Variants in SOX6 observed in about 807,000 individuals in gnomAD.
SOX6 encodes SRY-box transcription factor 6.
Under a neutral mutation model 97.8 loss-of-function variants are expected in SOX6, and 11 were observed. That is an observed-to-expected ratio of 0.11 (90% CI 0.07 to 0.19). SOX6 has a LOEUF of 0.19. Among genes scored for constraint, SOX6 ranks in the 10% least tolerant of loss-of-function variants. SOX6 has a pLI of 1.00. For missense variants in SOX6, 810 were observed against 1,039.5 expected, an observed-to-expected ratio of 0.78 and a Z score of 3.04; for synonymous variants, 360 against 371.4, an observed-to-expected ratio of 0.97 and a Z score of 0.35.
chr11:16,109,173 T>C (rs1849167486), intron 7 of SOX6, among the ~76,000 whole-genome samples: 1 of 152,048 alleles, frequency 6.6e-6, no homozygotes, highest in African/African-American at 2.4e-5. Context: ...CTCACATACA[T>C]TTCTTTTCTT....
At chr11:16,705,066 T>A (rs987485804) in intron 3 of SOX6, among the ~76,000 whole-genome samples, 5 of 152,072 alleles carry the variant, frequency 3.3e-5, no homozygotes, top group Non-Finnish European at 5.9e-5. Context: ...AAGACCAGCC[T>A]GTCCAACATG....
chr11:16,164,086 A>C (rs2134073921), intron 6 of SOX6, among the ~76,000 whole-genome samples: 1 of 152,226 alleles, frequency 6.6e-6, no homozygotes, highest in East Asian at 1.9e-4. Flanking sequence ...TCCCAGGCTC[A>C]AGTGATCCCA....
At chr11:16,352,648 A>C (rs1252941829) in intron 1 of SOX6, among the ~76,000 whole-genome samples, 1 of 152,134 alleles carries the variant, frequency 6.6e-6, no homozygotes, top group African/African-American at 2.4e-5. Flanking sequence ...AACTATTTTC[A>C]ATTATTATCT....
intron 3 of SOX6, among the ~76,000 whole-genome samples, chr11:16,259,811 T>C (rs1342918472): frequency 6.6e-6 from 1 of 152,028 alleles, no homozygotes; most frequent in Non-Finnish European, 1.5e-5. Context: ...CTAGAAATGT[T>C]CTATATCTTG....
chr11:16,406,623 A>G (rs897403734), intron 1 of SOX6, among the ~76,000 whole-genome samples: 1 of 152,122 alleles, frequency 6.6e-6, no homozygotes, highest in Non-Finnish European at 1.5e-5. Context: ...CCATTGGCCA[A>G]CGTAAGCTAA....
In SOX6 at chr11:16,147,022, T is replaced by C. The variant is rs528018729; in HGVS notation, c.778-35099A>G. ...TACTGGGTATATACCCAAAGGATTA[T>C]AAATCATGCTGCTATAAAGACACAT... On this transcript the variant is annotated intron_variant, in intron 6 of 15. Coordinates refer to ENST00000683767, the MANE Select transcript of SOX6 (RefSeq NM_001367873.1). Among the ~76,000 whole-genome samples, 37 of 152,300 alleles carry C rather than the reference T, an allele frequency of 2.4e-4. 1 individual carries two copies. The East Asian group carries it at 6.8e-3, about 28-fold the overall frequency.
intron 15 of SOX6, among the ~76,000 whole-genome samples, chr11:15,979,276 G>A (rs568566741): frequency 6.6e-6 from 1 of 151,436 alleles, no homozygotes; most frequent in Non-Finnish European, 1.5e-5. Context: ...AATCCTATTG[G>A]TTCTTCTTCA....
At chr11:15,995,062 A>T (rs933221590) in intron 13 of SOX6, among the ~76,000 whole-genome samples, 6 of 152,184 alleles carry the variant, frequency 3.9e-5, no homozygotes, top group Non-Finnish European at 8.8e-5. Context: ...GTGTCAGAAG[A>T]CAGAGTTTGA....
At chr11:16,506,903 A>C (rs895801511) in intron 4 of SOX6, among the ~76,000 whole-genome samples, 3 of 152,068 alleles carry the variant, frequency 2.0e-5, no homozygotes, top group Non-Finnish European at 4.4e-5. Flanking sequence ...GTCTCTACTA[A>C]AAATACAAAA....
chr11:16,012,168 T>G (rs576918255), intron 13 of SOX6, among the ~76,000 whole-genome samples: 1 of 152,144 alleles, frequency 6.6e-6, no homozygotes, highest in South Asian at 2.1e-4. Context: ...ATACTTTAGT[T>G]TCTTCTTAAT....
intron 4 of SOX6, among the ~76,000 whole-genome samples, chr11:16,514,215 CAAAAA>C (rs35019872): frequency 1.9e-5 from 2 of 102,690 alleles, no homozygotes; most frequent in Admixed American, 1.1e-4. Flanking sequence ...GTCCCTGGCT[CAAAAA>C]AAAAAAAAAA....
In SOX6 at chr11:16,733,798, G is replaced by A. The variant is rs533633593; in HGVS notation, n.353+2541C>T. Among the ~76,000 whole-genome samples, 6 of 151,086 alleles carry A rather than the reference G, an allele frequency of 4.0e-5. No individual in the cohort carries two copies. The South Asian group carries it at 1.0e-3, about 26-fold the overall frequency. On this transcript the variant is annotated intron_variant and non_coding_transcript_variant, in intron 2 of 5. Coordinates refer to the SOX6 transcript ENST00000524520. Reference sequence around the variant, plus strand: ...TCCCAGCACTTTGGGAGGCCGAGGCGGGTGGATCACAGGGTCAGGAGAGCG... The same window carrying A: ...TCCCAGCACTTTGGGAGGCCGAGGCAGGTGGATCACAGGGTCAGGAGAGCG...
At chr11:16,373,529 G>T (rs1350206265) in intron 1 of SOX6, among the ~76,000 whole-genome samples, 1 of 151,986 alleles carries the variant, frequency 6.6e-6, no homozygotes, top group East Asian at 1.9e-4. Flanking sequence ...TTCCCTTACA[G>T]CTCTAGAAAC....
chr11:16,551,962 A>G (rs919634112), intron 4 of SOX6, among the ~76,000 whole-genome samples: 2 of 152,210 alleles, frequency 1.3e-5, no homozygotes, highest in African/African-American at 4.8e-5. Flanking sequence ...CATGTCTTAG[A>G]TTAACAATTC....
chr11:16,095,513 A>G (rs565751475), intron 9 of SOX6, among the ~76,000 whole-genome samples: 3 of 151,876 alleles, frequency 2.0e-5, no homozygotes, highest in Non-Finnish European at 4.4e-5. Flanking sequence ...AATCCTGGGC[A>G]ATAACCTTGA....
At chr11:16,724,159 T>C (rs1848288355) in intron 2 of SOX6, among the ~76,000 whole-genome samples, 1 of 152,224 alleles carries the variant, frequency 6.6e-6, no homozygotes, top group African/African-American at 2.4e-5. Flanking sequence ...ATAAGTCTCC[T>C]TTCTTGGAGG....
rs1851405055 is a variant in SOX6 at position 16,183,921 on chromosome 11, G to T, written c.742C>A (p.Gln248Lys). The change falls in exon 6 of 16, where the codon CAG becomes AAG. Residue 248 changes from glutamine to lysine, a missense_variant. By Grantham distance (53) the Gln-to-Lys change is moderately conservative. Around this residue, in one of 9 missense-constraint regions of SOX6, gnomAD observed 3 missense variants for 18.6 expected, o/e 0.16. Coordinates refer to ENST00000683767, the MANE Select transcript of SOX6 (RefSeq NM_001367873.1). ...TGCTGCAGGAGATTAATTTTGTGCT[G>T]CTGTTGCAGAAGTTGCTGCTGTTGT... ...ARQQQQLLQQQHKINLLQQQI... is the reference protein window; with the variant it reads ...ARQQQQLLQQKHKINLLQQQI... 6.2e-7 allele frequency: 1 copy of T among 1,612,314 alleles called. No individual in the cohort carries two copies. The highest frequency in any genetic ancestry group is 1.3e-5 in the African/African-American group (1 of 74,800).
intron 4 of SOX6, among the ~76,000 whole-genome samples, chr11:16,201,975 G>T (rs1157550230): frequency 6.6e-6 from 1 of 151,944 alleles, no homozygotes; most frequent in African/African-American, 2.4e-5. Context: ...AAAATTCATA[G>T]AAATAATAAA....
chr11:16,450,358 T>C (rs1452324104), intron 1 of SOX6, among the ~76,000 whole-genome samples: 1 of 152,232 alleles, frequency 6.6e-6, no homozygotes, highest in South Asian at 2.1e-4. Flanking sequence ...TATTAGTGGC[T>C]ATTGCACATT....
Sources: gnomAD v4.1 joint callset for allele counts (sites outside exome capture counted in the v4.1 genomes callset) on GRCh38, gnomAD v4.1.1 for gene constraint, gnomAD v4.1.1 regional missense constraint, MANE v1.5 for transcripts, NCBI Gene and HGNC (gene_info 2026-07-23, HGNC 2026-07-21) for gene names.